SMG1: variants seen among roughly 807,000 people sequenced by gnomAD.
The protein encoded by SMG1 is serine/threonine-protein kinase SMG1.
Under a neutral mutation model 419.9 loss-of-function variants are expected in SMG1, and 22 were observed. The ratio of observed to expected loss-of-function variants is 0.05; its 90% confidence interval spans 0.04 to 0.07. The LOEUF is 0.07. SMG1 is among the 10% of genes least tolerant of loss of function. The pLI, the probability that SMG1 is intolerant of heterozygous loss-of-function variation, is 1.00. For missense variants in SMG1, 3,185 were observed against 4,342.0 expected (o/e 0.73, Z 7.49); for synonymous variants, 1,538 against 1,553.5 (o/e 0.99, Z 0.23).
chr16:18,816,929 A>G (rs2032051758), intron 57 of SMG1, among the ~76,000 whole-genome samples: 1 of 152,126 alleles, frequency 6.6e-6, no homozygotes, highest in South Asian at 2.1e-4. Flanking sequence ...TCTGGCCTTC[A>G]CTAACCTTTC....
chr16:18,917,323 T>C (rs976954765), intron 1 of SMG1, among the ~76,000 whole-genome samples: 19 of 151,538 alleles, frequency 1.3e-4, no homozygotes, highest in Admixed American at 4.6e-4. Flanking sequence ...CGGCTAATTA[T>C]TGTATTTTTA....
At position 18,830,228 on chromosome 16, in the gene SMG1, T is replaced by C; in HGVS notation, c.8934A>G (p.Leu2978=). 1 of 1,613,846 alleles carries C rather than the reference T, an allele frequency of 6.2e-7. No individual in the cohort carries two copies. The highest frequency in any genetic ancestry group is 8.5e-7 in the Non-Finnish European group (1 of 1,179,816). ...FAQVETAFSL[L]VEKLNKMEIP... is the part of the protein sequence containing the mutation. ...CCAAGTCCACATTTACCTTTTCAACTAATAAGCTGAAAGCAGTTTCAACTT... is the reference window on the plus strand; with the variant it reads ...CCAAGTCCACATTTACCTTTTCAACCAATAAGCTGAAAGCAGTTTCAACTT... Residue 2978 remains leucine, a synonymous_variant, in exon 52 of 63, where the codon TTA becomes TTG. Transcript: ENST00000446231.
At chr16:18,877,874 G>A (rs1411365366) in intron 11 of SMG1, 6 of 152,116 alleles carry the variant, frequency 3.9e-5, no homozygotes, top group Non-Finnish European at 5.9e-5. Context: ...AGTAAAAAGA[G>A]GTGTAATTCT....
At chr16:18,840,087 A>G in intron 41 of SMG1, 141 bp from the exon 42 acceptor site, 1 of 660,906 alleles carries the variant, frequency 1.5e-6, no homozygotes, top group Non-Finnish European at 2.6e-6. Flanking sequence ...TTCATGTATT[A>G]ATACAAAATA....
Position 18,880,721 on chromosome 16 carries a change from A to AAG in SMG1, c.1294-1003_1294-1002insCT, listed in dbSNP as rs760136125. On this transcript the variant is annotated intron_variant, in intron 10 of 62. Transcript: ENST00000446231. ...CAGAGACCATGTCTCCAAAAAAAAA[A>AAG]GGGGGGGGGCGCGGAGGGGGAAGCA... is the stretch of plus-strand genomic sequence containing the variant. 5.8e-4 allele frequency among the ~76,000 whole-genome samples: 37 copies of AAG among 63,940 alleles called. 4 individuals carry two copies. Among genetic ancestry groups the AAG allele is most frequent in the Admixed American group, 1.5e-3 (7 of 4,782 alleles). The allele number at this position is 63,940 out of a possible 152,430, so 41.9% of individuals were successfully genotyped here. A position where few individuals can be genotyped will look rare whatever the true frequency, so the allele number is the denominator to read the frequency against.
intron 57 of SMG1, among the ~76,000 whole-genome samples, chr16:18,816,854 C>T (rs891160858): frequency 1.3e-5 from 2 of 152,190 alleles, no homozygotes; most frequent in Non-Finnish European, 2.9e-5. Flanking sequence ...GAAATGTGAA[C>T]TTCCTAACAT....
chr16:18,819,592 G>A lies in SMG1; in HGVS notation c.9804C>T (p.Asn3268=). The A allele has an allele frequency of 6.3e-7, 1 of 1,596,914 alleles. No individual in the cohort carries two copies. ...EQRLKWAGGA[N]PALAPVLQDF... is the part of the protein sequence containing the mutation. ...CTTGTAGTACAGGGGCCAATGCAGG[G>A]TTGGCACCACCTGCCCACTTGAGTC... The change falls in exon 56 of 63, where the codon AAC becomes AAT. Residue 3268 remains asparagine (N), a synonymous_variant. Transcript: ENST00000446231.
At chr16:18,870,913 C>T (rs1464057429) in intron 16 of SMG1, 25 bp from the exon 17 acceptor site, 1 of 1,151,216 alleles carries the variant, frequency 8.7e-7, no homozygotes, top group South Asian at 1.4e-5. Flanking sequence ...AAGACAGTTA[C>T]TTTCAGCTGG....
At chr16:18,914,941 AT>A (rs35987365) in intron 1 of SMG1, among the ~76,000 whole-genome samples, 9,422 of 142,288 alleles carry the variant, frequency 0.066, 662 homozygotes, top group African/African-American at 0.18. Context: ...AAATTACCAT[AT>A]TTTTTTTTTT....
intron 50 of SMG1, among the ~76,000 whole-genome samples, chr16:18,833,969 A>C (rs2033381060): frequency 6.6e-6 from 1 of 152,174 alleles, no homozygotes; most frequent in African/African-American, 2.4e-5. Flanking sequence ...CTTGATGAAC[A>C]CTTGACTTGA....
intron 16 of SMG1, 129 bp from the exon 17 acceptor site, chr16:18,871,017 C>T (rs2035789585): frequency 3.1e-6 from 2 of 637,722 alleles, no homozygotes; most frequent in Non-Finnish European, 5.4e-6. Context: ...AGGCACTACT[C>T]TTGTCCAGAA....
intron 39 of SMG1, among the ~76,000 whole-genome samples, chr16:18,842,757 G>T (rs943488080): frequency 2.0e-5 from 3 of 152,266 alleles, no homozygotes; most frequent in African/African-American, 7.2e-5. Flanking sequence ...CTGAGCCCAG[G>T]GGGCAGAGGT....
chr16:18,834,752 A>C (rs1358553561), intron 49 of SMG1, 140 bp downstream of exon 49: 4 of 986,044 alleles, frequency 4.1e-6, no homozygotes, highest in Non-Finnish European at 6.0e-6. Context: ...GTCTCAAAAC[A>C]CAACCAAGAT....
chr16:18,810,643 G>A (rs78704995), intron 62 of SMG1, among the ~76,000 whole-genome samples: 3 of 152,326 alleles, frequency 2.0e-5, no homozygotes, highest in Non-Finnish European at 2.9e-5. Context: ...GATCTTGAAG[G>A]TCGGAGGAAC....
In SMG1 at chr16:18,832,964, T is replaced by C. The variant is rs756288859; in HGVS notation, c.8768A>G (p.His2923Arg). 31 of 1,613,886 alleles carry C rather than the reference T, an allele frequency of 1.9e-5. No individual in the cohort carries two copies. The Admixed American group carries it at 4.0e-4, about 21-fold the overall frequency. ...NAAMGLEEET[H>R]AHYIDVARLL... ...CCTGGCAACATCGATGTAATGAGCA[T>C]GTGTTTCTTCTTCCAGTCCCATAGC... The change falls in exon 51 of 63, where the codon CAT becomes CGT. Residue 2923 changes from histidine (H) to arginine (R), a missense_variant. By Grantham distance (29) the His-to-Arg change is conservative. This residue lies in a region of SMG1 where 737 missense variants were observed against 846.6 expected (regional missense o/e 0.87). Transcript: ENST00000446231.
intron 1 of SMG1, among the ~76,000 whole-genome samples, chr16:18,897,226 T>C (rs543843403): frequency 1.3e-5 from 2 of 152,308 alleles, no homozygotes; most frequent in Admixed American, 6.5e-5. Flanking sequence ...TAGGGTGACT[T>C]TGCTGGTTTT....
chr16:18,864,776 C>A (rs919985348), intron 23 of SMG1, among the ~76,000 whole-genome samples: 1 of 152,140 alleles, frequency 6.6e-6, no homozygotes, highest in African/African-American at 2.4e-5. Flanking sequence ...CGCGCCCAGC[C>A]CCAAAGGAGT....
chr16:18,847,709 A>G, intron 37 of SMG1, 102 bp from the exon 38 acceptor site: 2 of 1,570,074 alleles, frequency 1.3e-6, no homozygotes, highest in East Asian at 2.3e-5. Flanking sequence ...ATTGGTGCTC[A>G]TTATACAATT....
Position 18,816,396 on chromosome 16 carries a change from G to C in SMG1, c.10208C>G (p.Thr3403Arg). 6.2e-7 allele frequency: 1 copy of C among 1,613,912 alleles called. No individual in the cohort carries two copies. Among genetic ancestry groups the C allele is most frequent in the South Asian group, 1.1e-5 (1 of 91,084 alleles). Residue 3403 changes from threonine (T) to arginine (R), a missense_variant, in exon 58 of 63, where the codon ACA (threonine) becomes AGA (arginine). This residue lies in a region of SMG1 where 737 missense variants were observed against 846.6 expected (regional missense o/e 0.87). Transcript: ENST00000446231. The stretch of plus-strand genomic sequence containing the variant: ...TATATTATCAACCAGATTCTGAATT[G>C]TTTCACAGACCGTTTCTATCTGCTG... ...KEQQIETVCE[T>R]IQNLVDNIKT... is the part of the protein sequence containing the mutation.
Sources: allele counts gnomAD v4.1 joint callset (sites outside exome capture counted in the v4.1 genomes callset), GRCh38; gene constraint gnomAD v4.1.1; regional missense constraint gnomAD v4.1.1; transcripts MANE v1.5; gene names NCBI Gene and HGNC (gene_info 2026-07-23, HGNC 2026-07-21).